Variants in FIGNL2 observed in about 807,000 individuals in gnomAD.
The protein encoded by FIGNL2 is fidgetin-like protein 2.
For synonymous variants in FIGNL2, 565 were observed against 484.0 expected (o/e 1.17, Z -2.20); for missense variants, 1,060 against 950.2 (o/e 1.12, Z -1.52).
At chr12:51,836,100 C>T (rs543334852) in intron 1 of FIGNL2, among the ~76,000 whole-genome samples, 3 of 152,284 alleles carry the variant, frequency 2.0e-5, no homozygotes, top group South Asian at 2.1e-4. Flanking sequence ...AGTGAGCCAC[C>T]GTGCCCTGCA....
chr12:51,820,834 T>C lies in FIGNL2; in HGVS notation c.1580A>G (p.Asp527Gly), dbSNP rs1199323317. The change falls in exon 2 of 2, where the codon GAC becomes GGC. Residue 527 changes from aspartate to glycine, a missense_variant. Physicochemically the swap from Asp to Gly is moderately conservative, Grantham distance 94. Transcript: ENST00000618634. ...CLDGGCGAGADGVLVVGTTSR... is the reference protein window; with the variant it reads ...CLDGGCGAGAGGVLVVGTTSR... ...GGTGGTGCCCACAACCAGCACGCCG[T>C]CAGCCCCCGCGCCGCAGCCCCCGTC... The C allele has an allele frequency of 6.8e-7, 1 of 1,462,750 alleles. No individual in the cohort carries two copies. Among genetic ancestry groups the C allele is most frequent in the Non-Finnish European group, 9.0e-7 (1 of 1,114,740 alleles). The allele number at this position is 1,462,750 out of a possible 1,614,324, so 90.6% of individuals were successfully genotyped here. A position where few individuals can be genotyped will look rare whatever the true frequency, so the allele number is the denominator to read the frequency against.
chr12:51,836,313 GGCTGC>G (rs1939577985), intron 1 of FIGNL2, among the ~76,000 whole-genome samples: 1 of 152,130 alleles, frequency 6.6e-6, no homozygotes, highest in Admixed American at 6.5e-5. Context: ...CTGGCCTTTG[GGCTGC>G]GCTGCCCTCC....
intron 1 of FIGNL2, among the ~76,000 whole-genome samples, chr12:51,846,570 C>G (rs1939754964): frequency 1.3e-5 from 2 of 152,324 alleles, no homozygotes; most frequent in African/African-American, 2.4e-5. Context: ...GTCTGGGTGG[C>G]TCTCCCCAGC....
chr12:51,847,073 G>A, intron 1 of FIGNL2: 1 of 985,326 alleles, frequency 1.0e-6, no homozygotes, highest in Non-Finnish European at 1.2e-6. Context: ...GCGTCCCACA[G>A]CTGGGTGGCG....
intron 1 of FIGNL2, among the ~76,000 whole-genome samples, chr12:51,836,786 G>A (rs971141016): frequency 1.7e-4 from 26 of 152,248 alleles, no homozygotes; most frequent in African/African-American, 6.3e-4. Context: ...GACATGGCTG[G>A]TGGGCTTAAT....
intron 1 of FIGNL2, among the ~76,000 whole-genome samples, chr12:51,839,249 G>A (rs1334739996): frequency 6.6e-6 from 1 of 152,026 alleles, no homozygotes; most frequent in African/African-American, 2.4e-5. Flanking sequence ...CCTCTGGGAG[G>A]GTCCACAGAG....
chr12:51,820,415 G>C lies in FIGNL2; in HGVS notation c.*37C>G, dbSNP rs757953247. The C allele has an allele frequency of 2.6e-6, 4 of 1,562,988 alleles. No individual in the cohort carries two copies. In the African/African-American group the frequency reaches 4.1e-5, roughly 16 times the overall value. On this transcript the variant is annotated 3_prime_UTR_variant, in exon 2 of 2. Coordinates refer to ENST00000618634, the MANE Select transcript of FIGNL2 (RefSeq NM_001384995.1). Reference sequence around the variant, plus strand: ...CTCCCACGCGGAGGCGGCGGGGACGGAGGGACTGCGGCTCCCGCGGCCTCC... The same window carrying C: ...CTCCCACGCGGAGGCGGCGGGGACGCAGGGACTGCGGCTCCCGCGGCCTCC...
intron 1 of FIGNL2, among the ~76,000 whole-genome samples, chr12:51,845,943 G>A (rs76602805): frequency 1.3e-5 from 2 of 150,244 alleles, no homozygotes; most frequent in African/African-American, 4.9e-5. Flanking sequence ...GGGGGGTGGG[G>A]TAGGGTCATG....
Position 51,821,518 on chromosome 12 carries a change from G to A in FIGNL2, c.896C>T (p.Ala299Val). Residue 299 changes from alanine to valine, a missense_variant, in exon 2 of 2, where the codon GCG (alanine) becomes GTG (valine). By Grantham distance (64) the Ala-to-Val change is moderately conservative (BLOSUM62 0). Coordinates refer to ENST00000618634, the MANE Select transcript of FIGNL2 (RefSeq NM_001384995.1). ...GTTGCCCCGACATTCGCCGTTGTCC[G>A]CGGCGGGGTAGGAGGCTCCGTCAGC... ...PVADGASYPAADNGECRGNGF... is the reference protein window; with the variant it reads ...PVADGASYPAVDNGECRGNGF... The A allele has an allele frequency of 6.4e-7, 1 of 1,567,274 alleles. No individual in the cohort carries two copies. The highest frequency in any genetic ancestry group is 8.6e-7 in the Non-Finnish European group (1 of 1,165,498).
At chr12:51,825,205 A>G (rs1939312509) in intron 1 of FIGNL2, among the ~76,000 whole-genome samples, 1 of 152,040 alleles carries the variant, frequency 6.6e-6, no homozygotes, top group South Asian at 2.1e-4. Context: ...CCCTGAACAT[A>G]TTAAACTGGA....
chr12:51,823,717 TGA>T (rs1490091648), intron 1 of FIGNL2: 1 of 152,246 alleles, frequency 6.6e-6, no homozygotes, highest in African/African-American at 2.4e-5. Flanking sequence ...GCTAAACTTT[TGA>T]TAAGACAAGT....
In FIGNL2 at chr12:51,822,051, G is replaced by T. The variant is rs903465176; in HGVS notation, c.363C>A (p.Gly121=). The T allele has an allele frequency of 1.9e-6, 3 of 1,609,318 alleles. No individual in the cohort carries two copies. Among genetic ancestry groups the T allele is most frequent in the East Asian group, 2.2e-5 (1 of 44,644 alleles). ...LHEGLPGTKS[G]GGGGSGALGG... ...CCAGGGCCCCGGAACCGCCGCCACCGCCCGATTTGGTTCCTGGGAGGCCTT... is the reference window on the plus strand; with the variant it reads ...CCAGGGCCCCGGAACCGCCGCCACCTCCCGATTTGGTTCCTGGGAGGCCTT... The change falls in exon 2 of 2, where the codon GGC becomes GGA. Residue 121 remains glycine (G), a synonymous_variant. Transcript: ENST00000618634.
chr12:51,826,886 A>G (rs539491792), intron 1 of FIGNL2, among the ~76,000 whole-genome samples: 4 of 151,400 alleles, frequency 2.6e-5, no homozygotes, highest in South Asian at 4.1e-4. Flanking sequence ...ATACACACCA[A>G]CATGTATGTG....
At chr12:51,840,988 G>T (rs929136771) in intron 1 of FIGNL2, among the ~76,000 whole-genome samples, 7 of 152,330 alleles carry the variant, frequency 4.6e-5, no homozygotes, top group East Asian at 1.9e-4. Context: ...CATGGGGGTG[G>T]GAGAGAGACA....
chr12:51,820,968 G>C lies in FIGNL2; in HGVS notation c.1446C>G (p.Cys482Trp). The C allele has an allele frequency of 8.2e-7, 1 of 1,221,578 alleles. No individual in the cohort carries two copies. The highest frequency in any genetic ancestry group is 1.0e-6 in the Non-Finnish European group (1 of 983,294). The allele number at this position is 1,221,578 out of a possible 1,614,324, so 75.7% of individuals were successfully genotyped here. Residue 482 changes from cysteine to tryptophan, a missense_variant, in exon 2 of 2, where the codon TGC becomes TGG. Cys to Trp is a radical substitution (Grantham distance 215). Coordinates refer to ENST00000618634, the MANE Select transcript of FIGNL2 (RefSeq NM_001384995.1). Reference sequence around the variant, plus strand: ...TGATGAGGAGTACGGAGGGTGGGCGGCAGCGCGCGGCCGCGAAGGCGGCCT... The same window carrying C: ...TGATGAGGAGTACGGAGGGTGGGCGCCAGCGCGCGGCCGCGAAGGCGGCCT... ...LLQAAFAAARCRPPSVLLISE... is the reference protein window; with the variant it reads ...LLQAAFAAARWRPPSVLLISE...
At chr12:51,825,601 G>T (rs1939323585) in intron 1 of FIGNL2, among the ~76,000 whole-genome samples, 1 of 149,168 alleles carries the variant, frequency 6.7e-6, no homozygotes, top group Non-Finnish European at 1.5e-5. Flanking sequence ...CCAGAGAGGG[G>T]AACTTGTCCA....
chr12:51,827,192 C>G (rs1939363965), intron 1 of FIGNL2, among the ~76,000 whole-genome samples: 1 of 152,332 alleles, frequency 6.6e-6, no homozygotes, highest in Middle Eastern at 3.4e-3. Flanking sequence ...GACGGGGACC[C>G]CATGTCTCCT....
At chr12:51,845,621 G>T (rs1000893033) in intron 1 of FIGNL2, 1 of 985,272 alleles carries the variant, frequency 1.0e-6, no homozygotes, top group Admixed American at 6.1e-5. Context: ...TAAAGGAGTC[G>T]ATAACCGCCA....
intron 1 of FIGNL2, among the ~76,000 whole-genome samples, chr12:51,830,176 C>G (rs1224440226): frequency 6.6e-6 from 1 of 150,964 alleles, no homozygotes; most frequent in Non-Finnish European, 1.5e-5. Flanking sequence ...GTAATCCCAG[C>G]TACTTGAGAG....
Sources: gnomAD v4.1 joint callset for allele counts (sites outside exome capture counted in the v4.1 genomes callset) on GRCh38, gnomAD v4.1.1 for gene constraint, MANE v1.5 for transcripts, NCBI Gene and HGNC (gene_info 2026-07-23, HGNC 2026-07-21) for gene names.